The following OSGEPL1 variants were observed in gnomAD, a reference collection of about 807,000 sequenced individuals.
OSGEPL1 encodes the protein O-sialoglycoprotein endopeptidase like 1.
A neutral mutation model predicts 37.2 loss-of-function variants in OSGEPL1; 26 were observed. The observed-to-expected ratio is 0.70, with a 90% CI of 0.51 to 0.97. The LOEUF is 0.97. OSGEPL1 is among the 50% of genes least tolerant of loss of function. OSGEPL1 has a pLI of 0.00. For missense variants in OSGEPL1, 404 were observed against 487.0 expected, an observed-to-expected ratio of 0.83 and a Z score of 1.60; for synonymous variants, 140 against 159.9, an observed-to-expected ratio of 0.88 and a Z score of 0.94.
chr2:189,761,518 T>C lies in OSGEPL1; in HGVS notation c.123A>G (p.Gly41=). 6.2e-7 allele frequency: 1 copy of C among 1,613,132 alleles called. No individual in the cohort carries two copies. Among genetic ancestry groups the C allele is most frequent in the South Asian group, 1.1e-5 (1 of 90,852 alleles). Residue 41 remains glycine (G), a synonymous_variant, in exon 2 of 9, where the codon GGA becomes GGG. Transcript: ENST00000264151. ...CTGTATCATCACAACTAGTTTCAAT[T>C]CCCAATACTATTTTATGAAGAAATA... ...GTLFLHKIVL[G]IETSCDDTAA...
At chr2:189,751,047 A>G (rs2045103556) in intron 7 of OSGEPL1, among the ~76,000 whole-genome samples, 1 of 152,202 alleles carries the variant, frequency 6.6e-6, no homozygotes, top group Non-Finnish European at 1.5e-5. Flanking sequence ...GAAATGTCCT[A>G]GGTTTCTATA....
Position 189,754,785 on chromosome 2 carries a change from GTAAT to G in OSGEPL1, c.609+384_609+387del, listed in dbSNP as rs1357381738. 1.2e-5 allele frequency: 3 copies of G among 247,956 alleles called. No homozygotes were observed. In the East Asian group the frequency reaches 3.6e-4, roughly 30 times the overall value. 15.4% of individuals were successfully genotyped at this position (247,956 alleles called of 1,614,324 possible). Reference sequence around the variant, plus strand: ...GGGGGGGACCCTGTCTGTGGTGTAAGTAATTGTGTGATTTAATTCTGTGCATTGC... The same window carrying G: ...GGGGGGGACCCTGTCTGTGGTGTAAGTGTGTGATTTAATTCTGTGCATTGC... On this transcript the variant is annotated intron_variant, in intron 3 of 8. Transcript: ENST00000264151.
chr2:189,762,546 A>G (rs1308545144), intron 1 of OSGEPL1, 139 bp downstream of exon 1: 3 of 968,370 alleles, frequency 3.1e-6, no homozygotes, highest in African/African-American at 1.8e-5. Context: ...TCGGGCCAAG[A>G]AAGCTGCAGG....
chr2:189,762,135 A>G (rs1229305950), intron 1 of OSGEPL1, among the ~76,000 whole-genome samples: 1 of 142,148 alleles, frequency 7.0e-6, no homozygotes, highest in Non-Finnish European at 1.6e-5. Flanking sequence ...GTTAACATAA[A>G]CACACACACG....
chr2:189,755,766 G>A (rs2244190), intron 2 of OSGEPL1, among the ~76,000 whole-genome samples: 149,479 of 152,316 alleles, frequency 0.98, 73,407 homozygotes, highest in East Asian at 1. Flanking sequence ...GACTTTTTCA[G>A]TTTATGCACA....
chr2:189,757,018 A>G (rs950060580), intron 2 of OSGEPL1, among the ~76,000 whole-genome samples: 7 of 152,178 alleles, frequency 4.6e-5, no homozygotes, highest in African/African-American at 1.7e-4. Context: ...GGATTATGCT[A>G]AACACTAGGG....
chr2:189,749,224 C>A (rs890192786), intron 8 of OSGEPL1, among the ~76,000 whole-genome samples: 7 of 99,572 alleles, frequency 7.0e-5, no homozygotes, highest in African/African-American at 2.7e-4. Context: ...CCAGTCTGGA[C>A]AACAGAGCGA....
Position 189,746,757 on chromosome 2 carries a change from C to T in OSGEPL1, c.*440G>A. On this transcript the variant is annotated 3_prime_UTR_variant, in exon 9 of 9. Coordinates refer to ENST00000264151, the MANE Select transcript of OSGEPL1 (RefSeq NM_022353.3). ...GAAAGTTCTTGATCTCGATACTAAGCAGATTTTCCTTAGCATGTCTACAGG... is the reference window on the plus strand; with the variant it reads ...GAAAGTTCTTGATCTCGATACTAAGTAGATTTTCCTTAGCATGTCTACAGG... 1 of 923,530 alleles carries T rather than the reference C, an allele frequency of 1.1e-6. No homozygotes were observed. The highest frequency in any genetic ancestry group is 1.5e-6 in the Non-Finnish European group (1 of 660,100). The allele number at this position is 923,530 out of a possible 1,614,324, so 57.2% of individuals were successfully genotyped here.
At chr2:189,759,076 C>T (rs946120890) in intron 2 of OSGEPL1, among the ~76,000 whole-genome samples, 9 of 152,270 alleles carry the variant, frequency 5.9e-5, no homozygotes, top group Middle Eastern at 3.4e-3. Context: ...GACATCATGT[C>T]TCCATAATCA....
At position 189,753,999 on chromosome 2, in the gene OSGEPL1, CCATTGTGTGCTGTACTGTGGCAG is replaced by C. The variant is rs758766682; in HGVS notation, c.857_879del (p.Ala286GlyfsTer16). 1 of 1,613,666 alleles carries C rather than the reference CCATTGTGTGCTGTACTGTGGCAG, an allele frequency of 6.2e-7. No individual in the cohort carries two copies. The highest frequency in any genetic ancestry group is 8.5e-7 in the Non-Finnish European group (1 of 1,179,798). ...TGTGTTCTTTTCACAAGATGACATG[CCATTGTGTGCTGTACTGTGGCAG>C]CAATGTCTGCTGCTGAAGACAGGAT... On this transcript the variant is annotated frameshift_variant, in exon 5 of 9. Transcript: ENST00000264151. LOFTEE classifies it high-confidence loss of function.
intron 5 of OSGEPL1, 93 bp downstream of exon 5, chr2:189,753,823 G>A (rs1326795286): frequency 1.5e-6 from 2 of 1,325,530 alleles, no homozygotes; most frequent in Non-Finnish European, 2.1e-6. Context: ...AAGGCATAAA[G>A]ATCTGTTCAT....
chr2:189,753,812 T>C (rs2045656715), intron 5 of OSGEPL1, 104 bp downstream of exon 5: 2 of 1,212,322 alleles, frequency 1.6e-6, no homozygotes, highest in Non-Finnish European at 2.3e-6. Context: ...AGGGCTAGCA[T>C]AAGGCATAAA....
At chr2:189,760,731 C>A (rs1244401235) in intron 2 of OSGEPL1, among the ~76,000 whole-genome samples, 1 of 151,758 alleles carries the variant, frequency 6.6e-6, no homozygotes, top group Non-Finnish European at 1.5e-5. Context: ...GCGGAGATTG[C>A]AGTGAGCCGA....
intron 2 of OSGEPL1, among the ~76,000 whole-genome samples, chr2:189,759,415 A>T (rs2046637192): frequency 6.6e-6 from 1 of 151,762 alleles, no homozygotes. Context: ...CGCCTGGCTA[A>T]TTTTTTTTGT....
Position 189,754,761 on chromosome 2 carries a change from G to T in OSGEPL1, c.609+412C>A, listed in dbSNP as rs558555684. ...AGTATTCTAAAACAAAGGGGGGTGG[G>T]GGGGGACCCTGTCTGTGGTGTAAGT... On this transcript the variant is annotated intron_variant, in intron 3 of 8. Transcript: ENST00000264151. 9.1e-5 allele frequency: 21 copies of T among 230,702 alleles called. No individual in the cohort carries two copies. In the South Asian group the frequency reaches 1.5e-3, roughly 17 times the overall value. 14.3% of individuals were successfully genotyped at this position (230,702 alleles called of 1,614,324 possible). A position where few individuals can be genotyped will look rare whatever the true frequency, so the allele number is the denominator to read the frequency against.
In OSGEPL1 at chr2:189,762,681, C is replaced by T. The variant is rs982382976; in HGVS notation, c.-21+4G>A. ...TGGGGTGAAGAGTGAGCAATTTCAC[C>T]CACCTTCCACTTGGGCGGCAGTAGC... On this transcript the variant is annotated splice_donor_region_variant and intron_variant, in intron 1 of 8. Coordinates refer to ENST00000264151, the MANE Select transcript of OSGEPL1 (RefSeq NM_022353.3). 1 of 985,218 alleles carries T rather than the reference C, an allele frequency of 1.0e-6. No individual in the cohort carries two copies. The highest frequency in any genetic ancestry group is 1.2e-6 in the Non-Finnish European group (1 of 829,936). The allele number at this position is 985,218 out of a possible 1,614,324, so 61.0% of individuals were successfully genotyped here. A position where few individuals can be genotyped will look rare whatever the true frequency, so the allele number is the denominator to read the frequency against.
At chr2:189,754,824 G>T in intron 3 of OSGEPL1, 1 of 269,528 alleles carries the variant, frequency 3.7e-6, no homozygotes, top group South Asian at 5.3e-5. Context: ...CATCTTTAAT[G>T]TCCTTATGTT....
intron 2 of OSGEPL1, among the ~76,000 whole-genome samples, chr2:189,758,869 G>A (rs2046507276): frequency 6.6e-6 from 1 of 152,108 alleles, no homozygotes; most frequent in Non-Finnish European, 1.5e-5. Context: ...AAATAGGATG[G>A]GAGTACCTAA....
At position 189,755,135 on chromosome 2, in the gene OSGEPL1, C is replaced by T. The variant is rs565217468; in HGVS notation, c.609+38G>A. ...ATTGCTACTTAGTTGAAATGGACAA[C>T]ATAACAAAAAAGAATGGAGAAATTA... On this transcript the variant is annotated intron_variant, in intron 3 of 8. Coordinates refer to ENST00000264151, the MANE Select transcript of OSGEPL1 (RefSeq NM_022353.3). 15 of 1,585,202 alleles carry T rather than the reference C, an allele frequency of 9.5e-6. No homozygotes were observed. The Admixed American group carries it at 2.6e-4, about 27-fold the overall frequency.
Sources: gnomAD v4.1 joint callset for allele counts (sites outside exome capture counted in the v4.1 genomes callset) on GRCh38, gnomAD v4.1.1 for gene constraint, MANE v1.5 for transcripts, NCBI Gene and HGNC (gene_info 2026-07-23, HGNC 2026-07-21) for gene names.